The following KCNMB2 variants were observed in gnomAD, a reference collection of about 807,000 sequenced individuals.
KCNMB2 encodes calcium-activated potassium channel subunit beta-2.
Under a neutral mutation model 24.5 loss-of-function variants are expected in KCNMB2, and 9 were observed. The observed-to-expected ratio is 0.37, with a 90% CI of 0.22 to 0.64. KCNMB2 has a LOEUF of 0.64. Among genes scored for constraint, KCNMB2 ranks in the 30% least tolerant of loss-of-function variants. The probability of loss-of-function intolerance (pLI) is 0.63; values close to 1 mark genes in which losing one functional copy is unlikely to be tolerated. For missense variants in KCNMB2, 226 were observed against 284.3 expected, an observed-to-expected ratio of 0.79 and a Z score of 1.47; for synonymous variants, 109 against 104.4, an observed-to-expected ratio of 1.04 and a Z score of -0.27.
At position 178,770,420 on chromosome 3, in the gene KCNMB2, G is replaced by A. The variant is rs1389801530; in HGVS notation, c.-67-36923G>A. 2.0e-5 allele frequency among the ~76,000 whole-genome samples: 3 copies of A among 152,246 alleles called. No individual in the cohort carries two copies. In the East Asian group the frequency reaches 5.8e-4, roughly 29 times the overall value. ...TTGAGCACCAAAATGCTGATCAAGAGGGATAGCCTCAGGTTTGGAGTGAAC... is the reference window on the plus strand; with the variant it reads ...TTGAGCACCAAAATGCTGATCAAGAAGGATAGCCTCAGGTTTGGAGTGAAC... On this transcript the variant is annotated intron_variant, in intron 1 of 4. Transcript: ENST00000452583.
rs71181254 is a variant in KCNMB2 at position 178,828,925 on chromosome 3, C to CTGTGTGTGTG, written c.423+592_423+601dup. ...GCATGCTACTTTCAACCCATGGTCACTGTGTGTGTGTGTGTGTGTGTGTGT... is the reference window on the plus strand; with the variant it reads ...GCATGCTACTTTCAACCCATGGTCACTGTGTGTGTGTGTGTGTGTGTGTGTGTGTGTGTGT... On this transcript the variant is annotated intron_variant, in intron 4 of 4. Transcript: ENST00000452583. 4.2e-5 allele frequency among the ~76,000 whole-genome samples: 6 copies of CTGTGTGTGTG among 142,756 alleles called. No homozygotes were observed. In the East Asian group the frequency reaches 6.7e-4, roughly 16 times the overall value. The allele number at this position is 142,756 out of a possible 152,430, so 93.7% of individuals were successfully genotyped here. A position where few individuals can be genotyped will look rare whatever the true frequency, so the allele number is the denominator to read the frequency against.
chr3:178,666,643 G>A (rs1462580722), intron 1 of KCNMB2, among the ~76,000 whole-genome samples: 1 of 152,126 alleles, frequency 6.6e-6, no homozygotes, highest in Non-Finnish European at 1.5e-5. Flanking sequence ...TCACTTCTAA[G>A]TAGAGTCTGT....
chr3:178,592,370 A>G (rs563829597), intron 1 of KCNMB2, among the ~76,000 whole-genome samples: 2 of 152,304 alleles, frequency 1.3e-5, no homozygotes, highest in East Asian at 3.9e-4. Flanking sequence ...GAGCAACCAC[A>G]TCTGTTTTCC....
chr3:178,594,771 G>GTTA (rs1717805093), intron 1 of KCNMB2, among the ~76,000 whole-genome samples: 1 of 151,904 alleles, frequency 6.6e-6, no homozygotes, highest in Non-Finnish European at 1.5e-5. Context: ...AAAGAGGAAT[G>GTTA]TTAACACATA....
intron 1 of KCNMB2, among the ~76,000 whole-genome samples, chr3:178,684,779 C>T (rs549417013): frequency 2.5e-4 from 38 of 152,138 alleles, no homozygotes; most frequent in African/African-American, 9.2e-4. Flanking sequence ...TGCGGTGAGC[C>T]GAGATCGCGC....
At chr3:178,666,157 C>T (rs928593476) in intron 1 of KCNMB2, among the ~76,000 whole-genome samples, 31 of 152,080 alleles carry the variant, frequency 2.0e-4, no homozygotes, top group African/African-American at 7.5e-4. Flanking sequence ...CACTTAAGAG[C>T]ATGACATTTA....
chr3:178,632,664 G>A (rs1377641507), intron 1 of KCNMB2, among the ~76,000 whole-genome samples: 2 of 152,090 alleles, frequency 1.3e-5, no homozygotes, highest in African/African-American at 2.4e-5. Flanking sequence ...TTTGGGTGAG[G>A]ACACAGCCAA....
At chr3:178,647,771 G>A (rs1719968659) in intron 1 of KCNMB2, among the ~76,000 whole-genome samples, 1 of 151,914 alleles carries the variant, frequency 6.6e-6, no homozygotes, top group South Asian at 2.1e-4. Flanking sequence ...TAGGTTGCTG[G>A]GATATAGAAA....
chr3:178,692,789 C>A (rs1721729494), intron 1 of KCNMB2, among the ~76,000 whole-genome samples: 1 of 152,100 alleles, frequency 6.6e-6, no homozygotes. Context: ...TATGAAGAAT[C>A]TCAACAGTAG....
At chr3:178,826,659 T>G (rs762550001) in intron 3 of KCNMB2, among the ~76,000 whole-genome samples, 1 of 152,176 alleles carries the variant, frequency 6.6e-6, no homozygotes, top group African/African-American at 2.4e-5. Flanking sequence ...CAAGACCTTT[T>G]CAAATGAAAA....
chr3:178,737,839 G>T (rs1260667844), intron 1 of KCNMB2, among the ~76,000 whole-genome samples: 1 of 152,168 alleles, frequency 6.6e-6, no homozygotes, highest in Non-Finnish European at 1.5e-5. Context: ...TTTCTAAGTG[G>T]ATCCTCAATG....
At chr3:178,829,284 G>A (rs1023501541) in intron 4 of KCNMB2, among the ~76,000 whole-genome samples, 1 of 151,876 alleles carries the variant, frequency 6.6e-6, no homozygotes, top group Non-Finnish European at 1.5e-5. Context: ...AATCTTTCTT[G>A]TAAAAGCTTT....
At chr3:178,588,750 A>G (rs1215497536) in intron 1 of KCNMB2, among the ~76,000 whole-genome samples, 1 of 152,190 alleles carries the variant, frequency 6.6e-6, no homozygotes, top group Non-Finnish European at 1.5e-5. Context: ...GTTTGAAGAC[A>G]CTGAACCCAG....
At chr3:178,556,592 A>G (rs1437837376) in intron 1 of KCNMB2, among the ~76,000 whole-genome samples, 1 of 152,100 alleles carries the variant, frequency 6.6e-6, no homozygotes, top group Non-Finnish European at 1.5e-5. Flanking sequence ...TTTTTAGTAG[A>G]GATGGGGTTT....
rs144937577 is a variant in KCNMB2 at position 178,637,778 on chromosome 3, A to G, written c.-68+101067A>G. Among the ~76,000 whole-genome samples the G allele has an allele frequency of 7.2e-5, 11 of 152,314 alleles. No individual in the cohort carries two copies. In the East Asian group the frequency reaches 1.7e-3, roughly 24 times the overall value. ...GCTCATAACAAACCCTGCATATGGTAGTTATTTTCTGTCTCTGATAGACCA... is the reference window on the plus strand; with the variant it reads ...GCTCATAACAAACCCTGCATATGGTGGTTATTTTCTGTCTCTGATAGACCA... On this transcript the variant is annotated intron_variant, in intron 1 of 4. Transcript: ENST00000452583.
At chr3:178,817,228 A>ATATATATATATAT (rs1553781212) in intron 2 of KCNMB2, among the ~76,000 whole-genome samples, 5 of 102,340 alleles carry the variant, frequency 4.9e-5, no homozygotes, top group East Asian at 2.4e-4. Context: ...TATATATATA[A>ATATATATATATAT]ATGAAGTGTG....
intron 1 of KCNMB2, among the ~76,000 whole-genome samples, chr3:178,667,816 T>C (rs1174746804): frequency 1.3e-5 from 2 of 152,046 alleles, no homozygotes; most frequent in Non-Finnish European, 2.9e-5. Flanking sequence ...AAAGCCCCAC[T>C]CTTGAGTATC....
At position 178,644,368 on chromosome 3, in the gene KCNMB2, G is replaced by A. The variant is rs9836513; in HGVS notation, c.-68+107657G>A. Among the ~76,000 whole-genome samples the A allele has an allele frequency of 5.9e-3, 901 of 152,322 alleles. 9 individuals are homozygous for A. Among genetic ancestry groups the A allele is most frequent in the African/African-American group, 0.021 (854 of 41,572 alleles). ...GGCCAGGTGGGGAAGATGTGAATTG[G>A]ACCACAGGGCTGCTGATTTTCAAAG... On this transcript the variant is annotated intron_variant, in intron 1 of 4. Transcript: ENST00000452583.
At chr3:178,836,341 T>C (rs772675221) in intron 4 of KCNMB2, among the ~76,000 whole-genome samples, 2 of 152,086 alleles carry the variant, frequency 1.3e-5, no homozygotes, top group Non-Finnish European at 2.9e-5. Context: ...TTTAGTCAGT[T>C]CCCCAAAAAT....
Sources: allele counts gnomAD v4.1 joint callset (sites outside exome capture counted in the v4.1 genomes callset), GRCh38; gene constraint gnomAD v4.1.1; transcripts MANE v1.5; gene names NCBI Gene and HGNC (gene_info 2026-07-23, HGNC 2026-07-21).